CDK14: variants seen among roughly 807,000 people sequenced by gnomAD.
CDK14 encodes the protein cyclin dependent kinase 14, also known as cyclin-dependent kinase 14.
Under a neutral mutation model 60.7 loss-of-function variants are expected in CDK14, and 34 were observed. The ratio of observed to expected loss-of-function variants is 0.56; its 90% CI spans 0.43 to 0.75. The LOEUF (loss-of-function observed/expected upper bound fraction) is 0.75, where lower values mean the gene tolerates loss of function less well. Among genes scored for constraint, CDK14 ranks in the 30% least tolerant of loss-of-function variants. CDK14 has a pLI of 0.00. For missense variants in CDK14, 482 were observed against 564.1 expected (o/e 0.85, Z 1.47); for synonymous variants, 197 against 203.7 (o/e 0.97, Z 0.28).
chr7:91,141,208 C>A (rs1414910148), intron 14 of CDK14, among the ~76,000 whole-genome samples: 2 of 152,170 alleles, frequency 1.3e-5, no homozygotes, highest in Non-Finnish European at 2.9e-5. Context: ...AGTTTCATGA[C>A]CCTCAGTAGG....
At chr7:90,926,907 C>T (rs1793433879) in intron 8 of CDK14, among the ~76,000 whole-genome samples, 1 of 152,094 alleles carries the variant, frequency 6.6e-6, no homozygotes, top group Non-Finnish European at 1.5e-5. Flanking sequence ...GAATGGCTCA[C>T]AGCACTCAGG....
chr7:90,665,816 AGTAATTACAAATGTAGACTGGGAAGTT>A (rs61348257), intron 2 of CDK14, among the ~76,000 whole-genome samples: 46,309 of 152,006 alleles, frequency 0.3, 7,921 homozygotes, highest in East Asian at 0.67. Flanking sequence ...CTGAAGTTTG[AGTAATTACAAATGTAGACTGGGAAGTT>A]GCTTCATTTA....
chr7:91,082,646 A>G (rs1192585914), intron 12 of CDK14, among the ~76,000 whole-genome samples: 1 of 152,200 alleles, frequency 6.6e-6, no homozygotes, highest in Non-Finnish European at 1.5e-5. Flanking sequence ...AGATTTAGAA[A>G]TGTTTCCTAA....
chr7:90,684,214 T>C (rs914895579), intron 2 of CDK14, among the ~76,000 whole-genome samples: 11 of 152,334 alleles, frequency 7.2e-5, no homozygotes, highest in African/African-American at 2.6e-4. Context: ...TATAGTTCTC[T>C]TCCCATTTTG....
rs1051907301 is a variant in CDK14, at chr7:90,826,612, T to G, written c.544+35960T>G. On this transcript the variant is annotated intron_variant, in intron 5 of 14. Transcript: ENST00000380050. ...AGCAGGAAGGCAAGGTTGGGGGAGT[T>G]TTTTGTTTTTTAAAAAGGCTTAATT... is the stretch of plus-strand genomic sequence containing the variant. Among the ~76,000 whole-genome samples the G allele has an allele frequency of 5.3e-5, 8 of 152,136 alleles. No individual in the cohort carries two copies. In the East Asian group the frequency reaches 1.5e-3, roughly 29 times the overall value.
intron 12 of CDK14, among the ~76,000 whole-genome samples, chr7:91,101,970 G>A (rs968428649): frequency 2.0e-4 from 30 of 152,324 alleles, no homozygotes; most frequent in African/African-American, 6.7e-4. Context: ...TGCTTTGGAT[G>A]TGTAGACAAG....
intron 14 of CDK14, among the ~76,000 whole-genome samples, chr7:91,131,092 A>T (rs202146862): frequency 6.1e-5 from 9 of 147,656 alleles, no homozygotes; most frequent in South Asian, 4.3e-4. Flanking sequence ...TTAGTTTTTT[A>T]TTTTTTTTTT....
At chr7:90,767,218 A>G (rs1173495590) in intron 4 of CDK14, among the ~76,000 whole-genome samples, 1 of 152,240 alleles carries the variant, frequency 6.6e-6, no homozygotes, top group African/African-American at 2.4e-5. Flanking sequence ...CAAGTGGAGT[A>G]TGTGCCTGCA....
intron 2 of CDK14, among the ~76,000 whole-genome samples, chr7:90,689,423 C>G (rs1018648424): frequency 2.0e-5 from 3 of 151,958 alleles, no homozygotes; most frequent in South Asian, 2.1e-4. Flanking sequence ...TAGGGAACCT[C>G]TTAAGATTGA....
chr7:90,653,135 G>A (rs1800679484), intron 2 of CDK14, among the ~76,000 whole-genome samples: 1 of 151,886 alleles, frequency 6.6e-6, no homozygotes, highest in Admixed American at 6.6e-5. Flanking sequence ...GGCTGTACCA[G>A]CTCCTGCCTC....
intron 14 of CDK14, among the ~76,000 whole-genome samples, chr7:91,188,148 T>G (rs1367376657): frequency 6.6e-6 from 1 of 152,184 alleles, no homozygotes; most frequent in Non-Finnish European, 1.5e-5. Flanking sequence ...TCTGCCGAAG[T>G]AATTTCTTCT....
chr7:90,996,598 G>A (rs1795688929), intron 10 of CDK14, among the ~76,000 whole-genome samples: 1 of 152,142 alleles, frequency 6.6e-6, no homozygotes, highest in Non-Finnish European at 1.5e-5. Context: ...AGCTGAATTT[G>A]TCCTCTATCT....
chr7:90,905,901 A>C (rs1584109154), intron 7 of CDK14, among the ~76,000 whole-genome samples: 1 of 152,178 alleles, frequency 6.6e-6, no homozygotes. Context: ...ATTGCAGTGC[A>C]TGGAAGCAGA....
chr7:91,126,138 G>A (rs977335198), intron 14 of CDK14, among the ~76,000 whole-genome samples: 4 of 152,052 alleles, frequency 2.6e-5, no homozygotes, highest in Non-Finnish European at 4.4e-5. Context: ...AACCATCTCC[G>A]GGATCATTCT....
At chr7:90,822,215 C>G (rs952250050) in intron 5 of CDK14, among the ~76,000 whole-genome samples, 1 of 152,100 alleles carries the variant, frequency 6.6e-6, no homozygotes, top group Non-Finnish European at 1.5e-5. Flanking sequence ...CTGCTTTACT[C>G]CTTGATTATA....
chr7:90,702,976 AC>A (rs1801819853), intron 2 of CDK14, among the ~76,000 whole-genome samples: 1 of 150,952 alleles, frequency 6.6e-6, no homozygotes, highest in South Asian at 2.1e-4. Flanking sequence ...CTCACTTATA[AC>A]CCCCAACTAG....
intron 14 of CDK14, among the ~76,000 whole-genome samples, chr7:91,164,859 GT>G (rs1801298151): frequency 6.6e-6 from 1 of 152,160 alleles, no homozygotes; most frequent in African/African-American, 2.4e-5. Flanking sequence ...CATCATGTCA[GT>G]CCCTTTCTAG....
intron 2 of CDK14, chr7:90,632,702 T>C (rs760991415): frequency 6.6e-6 from 1 of 152,284 alleles, no homozygotes; most frequent in Non-Finnish European, 1.5e-5. Flanking sequence ...AAGCTTTACT[T>C]GTTTTAAAAA....
chr7:91,143,875 C>G (rs74813704), intron 14 of CDK14, among the ~76,000 whole-genome samples: 5,100 of 152,248 alleles, frequency 0.033, 147 homozygotes, highest in Admixed American at 0.083. Flanking sequence ...AGACTGAGAC[C>G]TGAGCTGTTC....
Sources: allele counts gnomAD v4.1 joint callset (sites outside exome capture counted in the v4.1 genomes callset), GRCh38; gene constraint gnomAD v4.1.1; transcripts MANE v1.5; gene names NCBI Gene and HGNC (gene_info 2026-07-23, HGNC 2026-07-21).